Variants in AUTS2 observed in about 807,000 individuals in gnomAD.
The protein encoded by AUTS2 is autism susceptibility gene 2 protein.
A neutral mutation model predicts 112.4 loss-of-function variants in AUTS2; 17 were observed. That is an observed-to-expected ratio of 0.15 (90% CI 0.10 to 0.23). The LOEUF is 0.23. Among genes scored for constraint, AUTS2 ranks in the 10% least tolerant of loss-of-function variants. The pLI is 1.00. For missense variants in AUTS2, 1,510 were observed against 1,701.6 expected (o/e 0.89, Z 1.98); for synonymous variants, 751 against 702.7 (o/e 1.07, Z -1.09).
chr7:69,628,761 C>T (rs766331866), intron 1 of AUTS2, among the ~76,000 whole-genome samples: 5 of 152,100 alleles, frequency 3.3e-5, no homozygotes, highest in Non-Finnish European at 5.9e-5. Context: ...AGAAATCTGT[C>T]CCCCAGGATC....
intron 1 of AUTS2, among the ~76,000 whole-genome samples, chr7:69,725,778 T>C (rs1268186129): frequency 6.6e-6 from 1 of 152,176 alleles, no homozygotes; most frequent in African/African-American, 2.4e-5. Flanking sequence ...CAGCATCTCC[T>C]GAAATAGATG....
intron 6 of AUTS2, among the ~76,000 whole-genome samples, chr7:70,704,379 C>T (rs895369885): frequency 2.0e-5 from 3 of 152,170 alleles, no homozygotes; most frequent in African/African-American, 7.2e-5. Context: ...TACAGTGTAA[C>T]CCATTCCATT....
At chr7:70,225,097 T>C (rs1811695898) in intron 4 of AUTS2, among the ~76,000 whole-genome samples, 1 of 152,216 alleles carries the variant, frequency 6.6e-6, no homozygotes, top group Non-Finnish European at 1.5e-5. Context: ...ACTCTATGTT[T>C]CTTCTCAGTT....
chr7:70,575,431 C>A (rs1392393197), intron 5 of AUTS2, among the ~76,000 whole-genome samples: 1 of 152,114 alleles, frequency 6.6e-6, no homozygotes, highest in Non-Finnish European at 1.5e-5. Flanking sequence ...CCACCCTCAG[C>A]CCCACCTTGG....
chr7:69,912,856 G>A (rs1370414415), intron 2 of AUTS2, among the ~76,000 whole-genome samples: 1 of 152,158 alleles, frequency 6.6e-6, no homozygotes, highest in Non-Finnish European at 1.5e-5. Flanking sequence ...TCCTTTTACT[G>A]TGCTGGTTCT....
chr7:69,642,199 C>T (rs529772448), intron 1 of AUTS2, among the ~76,000 whole-genome samples: 2 of 152,252 alleles, frequency 1.3e-5, no homozygotes, highest in African/African-American at 4.8e-5. Context: ...CTCCTTAACC[C>T]ATTTTGGAGC....
intron 1 of AUTS2, among the ~76,000 whole-genome samples, chr7:69,625,076 G>GT (rs1157362545): frequency 6.6e-6 from 1 of 152,164 alleles, no homozygotes; most frequent in Non-Finnish European, 1.5e-5. Context: ...CGTTGGGGCA[G>GT]TGCCCAAGTG....
intron 2 of AUTS2, among the ~76,000 whole-genome samples, chr7:69,936,601 G>C (rs1796423083): frequency 6.6e-6 from 1 of 152,164 alleles, no homozygotes; most frequent in Non-Finnish European, 1.5e-5. Flanking sequence ...CACCAGCCTA[G>C]GCCTCCCAAA....
chr7:70,708,835 A>G (rs1264428387), intron 6 of AUTS2, among the ~76,000 whole-genome samples: 1 of 152,140 alleles, frequency 6.6e-6, no homozygotes, highest in Non-Finnish European at 1.5e-5. Flanking sequence ...GGTTTTTGGC[A>G]GTGCCATAAA....
At position 70,766,862 on chromosome 7, in the gene AUTS2, A is replaced by G. The variant is rs1001450115; in HGVS notation, c.1689+528A>G. On this transcript the variant is annotated intron_variant, in intron 9 of 18. Transcript: ENST00000342771. The surrounding 1 kb of genome is among the most constrained non-coding windows in gnomAD (Gnocchi z 4.8). Reference sequence around the variant, plus strand: ...AGGTGTTATATTTCTTGTGTTTCATAAGACAGTCCCTAATCTGGTATTGTG... The same window carrying G: ...AGGTGTTATATTTCTTGTGTTTCATGAGACAGTCCCTAATCTGGTATTGTG... Among the ~76,000 whole-genome samples, 2 of 152,208 alleles carry G rather than the reference A, an allele frequency of 1.3e-5. No individual in the cohort carries two copies. The highest frequency in any genetic ancestry group is 2.9e-5 in the Non-Finnish European group (2 of 68,036).
intron 2 of AUTS2, among the ~76,000 whole-genome samples, chr7:70,091,471 A>AT (rs898369926): frequency 6.6e-6 from 1 of 152,010 alleles, no homozygotes; most frequent in Non-Finnish European, 1.5e-5. Flanking sequence ...GGTCCTATAA[A>AT]TTTTTTTTAA....
intron 5 of AUTS2, among the ~76,000 whole-genome samples, chr7:70,528,164 A>G (rs1189529670): frequency 6.9e-6 from 1 of 144,204 alleles, no homozygotes; most frequent in African/African-American, 2.6e-5. Context: ...AGGTAATAAG[A>G]TATAATTGAT....
intron 5 of AUTS2, among the ~76,000 whole-genome samples, chr7:70,460,381 G>A (rs1387980527): frequency 8.6e-6 from 1 of 116,350 alleles, no homozygotes; most frequent in East Asian, 2.7e-4. Context: ...ATGGAGTTTC[G>A]CTTGTGTCAC....
intron 4 of AUTS2, among the ~76,000 whole-genome samples, chr7:70,209,950 A>G (rs552796027): frequency 2.0e-5 from 3 of 152,054 alleles, no homozygotes; most frequent in African/African-American, 7.2e-5. Context: ...CTCCACCATG[A>G]TATAAAAGTA....
At chr7:69,801,170 C>A (rs1238291107) in intron 1 of AUTS2, among the ~76,000 whole-genome samples, 1 of 150,564 alleles carries the variant, frequency 6.6e-6, no homozygotes, top group Non-Finnish European at 1.5e-5. Context: ...CATTTTTTGA[C>A]TGAATAAAAG....
At chr7:70,219,687 G>A (rs370083923) in intron 4 of AUTS2, among the ~76,000 whole-genome samples, 33 of 150,610 alleles carry the variant, frequency 2.2e-4, no homozygotes, top group Non-Finnish European at 4.1e-4. Context: ...TTCTCCTACC[G>A]CAGCCTCTCA....
intron 1 of AUTS2, among the ~76,000 whole-genome samples, chr7:69,876,341 AAAAAAAAAATATATAT>A: frequency 1.1e-5 from 1 of 89,242 alleles, no homozygotes; most frequent in East Asian, 3.5e-4. Flanking sequence ...AAAAAAAAAA[AAAAAAAAAATATATAT>A]ATATATATAT....
intron 2 of AUTS2, among the ~76,000 whole-genome samples, chr7:69,974,405 G>C (rs940041129): frequency 6.7e-6 from 1 of 150,120 alleles, no homozygotes; most frequent in African/African-American, 2.5e-5. Flanking sequence ...TTGTTTTCCT[G>C]TTTTCAACTT....
At chr7:70,271,672 G>C (rs1264761470) in intron 4 of AUTS2, among the ~76,000 whole-genome samples, 1 of 152,118 alleles carries the variant, frequency 6.6e-6, no homozygotes, top group African/African-American at 2.4e-5. Flanking sequence ...TCTTTGAATG[G>C]GGTTGCCCAA....
Sources: gnomAD v4.1 joint callset for allele counts (sites outside exome capture counted in the v4.1 genomes callset) on GRCh38, gnomAD v4.1.1 for gene constraint, Gnocchi (gnomAD v3.1) non-coding constraint, MANE v1.5 for transcripts, NCBI Gene and HGNC (gene_info 2026-07-23, HGNC 2026-07-21) for gene names.